Variants in BRINP1 observed in about 807,000 individuals in gnomAD.
BRINP1 encodes BMP/retinoic acid-inducible neural-specific protein 1.
Under a neutral mutation model 72.9 loss-of-function variants are expected in BRINP1, and 17 were observed. That is an observed-to-expected ratio of 0.23 (90% confidence interval 0.16 to 0.35). The LOEUF (loss-of-function observed/expected upper bound fraction) is 0.35, where lower values mean the gene tolerates loss of function less well. BRINP1 is among the 10% of genes least tolerant of loss of function. The pLI, the probability that BRINP1 is intolerant of heterozygous loss-of-function variation, is 1.00. For missense variants in BRINP1, 850 were observed against 1,001.6 expected, an observed-to-expected ratio of 0.85 and a Z score of 2.04; for synonymous variants, 418 against 378.5, an observed-to-expected ratio of 1.10 and a Z score of -1.21.
At chr9:119,339,954 T>C (rs1564252347) in intron 1 of BRINP1, among the ~76,000 whole-genome samples, 1 of 152,106 alleles carries the variant, frequency 6.6e-6, no homozygotes, top group Non-Finnish European at 1.5e-5. Context: ...ACAGGGTTTG[T>C]CTGCCCAGCT....
chr9:119,285,392 C>A (rs948954062), intron 2 of BRINP1, among the ~76,000 whole-genome samples: 1 of 152,100 alleles, frequency 6.6e-6, no homozygotes, highest in Admixed American at 6.6e-5. Context: ...TAATTTGATT[C>A]AACCATTTAT....
At chr9:119,318,845 GTGTGTGTGTGTGTGTGT>G (rs1831155146) in intron 1 of BRINP1, among the ~76,000 whole-genome samples, 1 of 37,898 alleles carries the variant, frequency 2.6e-5, no homozygotes, top group African/African-American at 7.7e-5. Context: ...AATGTGTGGG[GTGTGTGTGTGTGTGTGT>G]GTGTGTGTGT....
At chr9:119,289,740 T>A (rs1344578416) in intron 2 of BRINP1, among the ~76,000 whole-genome samples, 2 of 152,226 alleles carry the variant, frequency 1.3e-5, no homozygotes, top group Non-Finnish European at 2.9e-5. Flanking sequence ...CTCAGAAACC[T>A]AGAAGAACCC....
chr9:119,186,113 TGCCTGGGCTCAGATGTTAGGGTCACA>T (rs1442613451), intron 7 of BRINP1, among the ~76,000 whole-genome samples: 1 of 152,104 alleles, frequency 6.6e-6, no homozygotes, highest in East Asian at 1.9e-4. Context: ...CCCAGGGCAC[TGCCTGGGCTCAGATGTTAGGGTCACA>T]GCCTAGGCTC....
chr9:119,190,040 T>G (rs947911071), intron 7 of BRINP1, among the ~76,000 whole-genome samples: 1 of 151,810 alleles, frequency 6.6e-6, no homozygotes, highest in African/African-American at 2.4e-5. Flanking sequence ...TTCACAAGTA[T>G]GTGGAAATAA....
At chr9:119,263,642 T>C (rs910028268) in intron 2 of BRINP1, among the ~76,000 whole-genome samples, 5 of 124,282 alleles carry the variant, frequency 4.0e-5, no homozygotes, top group African/African-American at 1.2e-4. Flanking sequence ...GAGTCTCGCT[T>C]TGTCGCCCAG....
At chr9:119,172,806 C>G (rs1286535839) in intron 7 of BRINP1, among the ~76,000 whole-genome samples, 89 of 151,554 alleles carry the variant, frequency 5.9e-4, no homozygotes, top group Admixed American at 1.6e-3. Flanking sequence ...CTTCATCCCT[C>G]AGATGCAAGG....
intron 7 of BRINP1, among the ~76,000 whole-genome samples, chr9:119,191,617 C>T (rs1829684859): frequency 6.6e-6 from 1 of 151,686 alleles, no homozygotes; most frequent in African/African-American, 2.4e-5. Context: ...TTAAAGAAGA[C>T]ACAAATAAAT....
intron 1 of BRINP1, among the ~76,000 whole-genome samples, chr9:119,323,100 C>T (rs1469514537): frequency 6.6e-6 from 1 of 152,052 alleles, no homozygotes; most frequent in Non-Finnish European, 1.5e-5. Context: ...TTTGAGTGGC[C>T]TCTGACAGTG....
chr9:119,366,473 C>G (rs938251869), intron 1 of BRINP1, among the ~76,000 whole-genome samples: 1 of 149,428 alleles, frequency 6.7e-6, no homozygotes, highest in African/African-American at 2.5e-5. Flanking sequence ...TGTTCTCTCT[C>G]TGTCTCTCTC....
Position 119,300,051 on chromosome 9 carries a change from T to TAC in BRINP1, c.218+13086_218+13087insGT, listed in dbSNP as rs202054965. Among the ~76,000 whole-genome samples the TAC allele has an allele frequency of 1.0e-3, 153 of 152,290 alleles. No homozygotes were observed. The East Asian group carries it at 0.027, about 27-fold the overall frequency. ...AGTACCGCCTTCCTCAGTGATTCGT[T>TAC]TCACACCCCACTTCACAAAGAGAAC... On this transcript the variant is annotated intron_variant, in intron 2 of 7. Transcript: ENST00000265922.
chr9:119,329,366 T>G (rs972580721), intron 1 of BRINP1, among the ~76,000 whole-genome samples: 7 of 152,218 alleles, frequency 4.6e-5, no homozygotes, highest in Non-Finnish European at 7.3e-5. Flanking sequence ...TCTGCAATGT[T>G]GTCATCCTTT....
At chr9:119,285,075 C>T (rs558510945) in intron 2 of BRINP1, among the ~76,000 whole-genome samples, 1 of 152,154 alleles carries the variant, frequency 6.6e-6, no homozygotes, top group African/African-American at 2.4e-5. Flanking sequence ...GTCCCGGGTT[C>T]ATTTTGCCTG....
chr9:119,287,551 A>G (rs995422198), intron 2 of BRINP1, among the ~76,000 whole-genome samples: 6 of 152,250 alleles, frequency 3.9e-5, no homozygotes, highest in African/African-American at 1.4e-4. Context: ...TTCCCCGATG[A>G]ACAAGGAAAC....
chr9:119,265,995 TG>T (rs2118943691), intron 2 of BRINP1, among the ~76,000 whole-genome samples: 1 of 152,306 alleles, frequency 6.6e-6, no homozygotes, highest in African/African-American at 2.4e-5. Flanking sequence ...GATAAGACAG[TG>T]AATAGGACAG....
At chr9:119,330,361 A>G (rs1564250046) in intron 1 of BRINP1, among the ~76,000 whole-genome samples, 1 of 152,134 alleles carries the variant, frequency 6.6e-6, no homozygotes, top group Non-Finnish European at 1.5e-5. Context: ...CCAGCATACC[A>G]AACTTCTTAC....
At chr9:119,228,694 G>A (rs370229679) in intron 5 of BRINP1, among the ~76,000 whole-genome samples, 15 of 152,194 alleles carry the variant, frequency 9.9e-5, no homozygotes, top group Admixed American at 2.6e-4. Flanking sequence ...AGACGAATGG[G>A]AAAGAAGAGG....
intron 5 of BRINP1, among the ~76,000 whole-genome samples, chr9:119,225,733 TAG>T (rs1476977959): frequency 2.6e-5 from 4 of 151,764 alleles, no homozygotes; most frequent in African/African-American, 9.7e-5. Context: ...GAAGGGGAAA[TAG>T]AGAATAACTG....
intron 1 of BRINP1, among the ~76,000 whole-genome samples, chr9:119,352,651 ACC>A (rs1831517964): frequency 6.6e-6 from 1 of 152,086 alleles, no homozygotes; most frequent in African/African-American, 2.4e-5. Context: ...CAGGTGATCC[ACC>A]CACCTTGACT....
Sources: gnomAD v4.1 joint callset for allele counts (sites outside exome capture counted in the v4.1 genomes callset) on GRCh38, gnomAD v4.1.1 for gene constraint, MANE v1.5 for transcripts, NCBI Gene and HGNC (gene_info 2026-07-23, HGNC 2026-07-21) for gene names.